The following PRKG1 variants were observed in gnomAD, a reference collection of about 807,000 sequenced individuals.
The protein encoded by PRKG1 is protein kinase cGMP-dependent 1, also known as cGMP-dependent protein kinase 1.
PRKG1 carries 35 observed loss-of-function variants against 88.1 expected under a neutral mutation model. The ratio of observed to expected loss-of-function variants is 0.40; its 90% confidence interval spans 0.30 to 0.53. The LOEUF is 0.53. PRKG1 is among the 20% of genes least tolerant of loss of function. The probability of loss-of-function intolerance (pLI) is 0.59; values close to 1 mark genes in which losing one functional copy is unlikely to be tolerated. For missense variants in PRKG1, 540 were observed against 839.8 expected (o/e 0.64, Z 4.41); for synonymous variants, 303 against 292.5 (o/e 1.04, Z -0.37).
intron 3 of PRKG1, among the ~76,000 whole-genome samples, chr10:51,510,649 G>A (rs1032315649): frequency 6.6e-6 from 1 of 151,950 alleles, no homozygotes; most frequent in Non-Finnish European, 1.5e-5. Flanking sequence ...TATGATTAGA[G>A]AGGTCACTAG....
chr10:51,099,985 C>G (rs1258396023), intron 1 of PRKG1, among the ~76,000 whole-genome samples: 1 of 152,120 alleles, frequency 6.6e-6, no homozygotes, highest in African/African-American at 2.4e-5. Context: ...CCTCAAACTC[C>G]TGGGGTCAAG....
intron 4 of PRKG1, among the ~76,000 whole-genome samples, chr10:51,865,394 G>A (rs1185610238): frequency 6.7e-6 from 1 of 150,100 alleles, no homozygotes; most frequent in African/African-American, 2.5e-5. Context: ...TTTTCTAATA[G>A]TGAAGAATAT....
intron 9 of PRKG1, among the ~76,000 whole-genome samples, chr10:52,189,644 A>G (rs1478663696): frequency 6.6e-6 from 1 of 152,168 alleles, no homozygotes; most frequent in Non-Finnish European, 1.5e-5. Flanking sequence ...CCCTCAATCC[A>G]TGGGAAAATT....
At chr10:51,339,358 T>C (rs1304723565) in intron 2 of PRKG1, among the ~76,000 whole-genome samples, 6 of 152,042 alleles carry the variant, frequency 3.9e-5, no homozygotes, top group African/African-American at 1.4e-4. Context: ...ACAAAAATGT[T>C]TACATTTTAG....
At chr10:51,917,242 C>T (rs1038031691) in intron 5 of PRKG1, among the ~76,000 whole-genome samples, 5 of 150,312 alleles carry the variant, frequency 3.3e-5, no homozygotes. Flanking sequence ...TTGCTTGAAC[C>T]TGGGAGACAG....
chr10:51,578,991 T>G (rs1040797503), intron 3 of PRKG1, among the ~76,000 whole-genome samples: 2 of 138,246 alleles, frequency 1.4e-5, no homozygotes, highest in Admixed American at 7.2e-5. Context: ...TTTTTTTTTT[T>G]TTTTTTTTTT....
chr10:51,093,513 C>T (rs548680620), intron 1 of PRKG1, among the ~76,000 whole-genome samples: 8 of 151,912 alleles, frequency 5.3e-5, no homozygotes, highest in African/African-American at 1.7e-4. Context: ...ACTTTTCTGC[C>T]CATACCAGTC....
chr10:52,160,713 C>G (rs1838254566), intron 8 of PRKG1, among the ~76,000 whole-genome samples: 1 of 151,980 alleles, frequency 6.6e-6, no homozygotes, highest in African/African-American at 2.4e-5. Context: ...GTTTCAGGAC[C>G]TGACCATGCA....
chr10:51,738,986 A>AC (rs1208005986), intron 3 of PRKG1, among the ~76,000 whole-genome samples: 10 of 152,228 alleles, frequency 6.6e-5, no homozygotes. Context: ...CTATGTAGGC[A>AC]CATAGGGCTC....
intron 1 of PRKG1, among the ~76,000 whole-genome samples, chr10:51,140,020 A>G (rs530709487): frequency 2.0e-5 from 3 of 152,176 alleles, no homozygotes; most frequent in African/African-American, 7.2e-5. Flanking sequence ...GATCTAAAGG[A>G]TCTGGCTCAC....
At chr10:51,546,876 T>A (rs906501806) in intron 3 of PRKG1, among the ~76,000 whole-genome samples, 1 of 152,068 alleles carries the variant, frequency 6.6e-6, no homozygotes, top group African/African-American at 2.4e-5. Flanking sequence ...ACTTTATACT[T>A]TGCCTGCAAA....
At chr10:51,984,946 T>C (rs1201176787) in intron 5 of PRKG1, among the ~76,000 whole-genome samples, 2 of 152,196 alleles carry the variant, frequency 1.3e-5, no homozygotes, top group Non-Finnish European at 2.9e-5. Flanking sequence ...GTACCCTTAA[T>C]GCTTCATGAA....
At chr10:52,037,877 A>G (rs1564441817) in intron 5 of PRKG1, among the ~76,000 whole-genome samples, 2 of 151,708 alleles carry the variant, frequency 1.3e-5, no homozygotes, top group East Asian at 2.0e-4. Context: ...AGAAAGACTC[A>G]GCGATGCTTG....
intron 3 of PRKG1, among the ~76,000 whole-genome samples, chr10:51,746,548 C>A (rs868426454): frequency 1.3e-5 from 2 of 151,780 alleles, no homozygotes; most frequent in African/African-American, 4.8e-5. Flanking sequence ...GTGGTGAAAC[C>A]CTGTCTCTAC....
chr10:51,866,158 T>C (rs937213482), intron 4 of PRKG1, among the ~76,000 whole-genome samples: 1 of 148,370 alleles, frequency 6.7e-6, no homozygotes, highest in Non-Finnish European at 1.5e-5. Context: ...TTATGAGATA[T>C]ATTAATTTAA....
At chr10:51,736,830 C>T (rs910127692) in intron 3 of PRKG1, among the ~76,000 whole-genome samples, 8 of 150,766 alleles carry the variant, frequency 5.3e-5, no homozygotes, top group African/African-American at 1.7e-4. Flanking sequence ...GAGAAGGAGT[C>T]TCATTATGTT....
At chr10:51,236,120 A>G (rs960381421) in intron 2 of PRKG1, among the ~76,000 whole-genome samples, 1 of 152,156 alleles carries the variant, frequency 6.6e-6, no homozygotes, top group African/African-American at 2.4e-5. Flanking sequence ...AGTTAATTTT[A>G]GTTCCAGAGT....
chr10:51,538,594 C>G (rs1253154773), intron 3 of PRKG1, among the ~76,000 whole-genome samples: 4 of 150,220 alleles, frequency 2.7e-5, no homozygotes, highest in Non-Finnish European at 5.9e-5. Context: ...TGATGAATGT[C>G]TGAAAATTCT....
rs114261917 is a variant in PRKG1, at chr10:51,178,980, C to A, written c.478+25650C>A. On this transcript the variant is annotated intron_variant, in intron 2 of 17. Transcript: ENST00000373980. ...GCAGTAAAATGAAAACTGATGCTCTCCATTTTTATATTGTTGAAATGTAGT... is the reference window on the plus strand; with the variant it reads ...GCAGTAAAATGAAAACTGATGCTCTACATTTTTATATTGTTGAAATGTAGT... Among the ~76,000 whole-genome samples the A allele has an allele frequency of 4.9e-3, 745 of 152,260 alleles. 9 individuals carry two copies. Among genetic ancestry groups the A allele is most frequent in the African/African-American group, 0.017 (691 of 41,572 alleles).
Sources: allele counts gnomAD v4.1 joint callset (sites outside exome capture counted in the v4.1 genomes callset), GRCh38; gene constraint gnomAD v4.1.1; transcripts MANE v1.5; gene names NCBI Gene and HGNC (gene_info 2026-07-23, HGNC 2026-07-21).